Variants in STARD10 observed in about 807,000 individuals in gnomAD.
STARD10 encodes the protein START domain-containing protein 10.
Under a neutral mutation model 36.0 loss-of-function variants are expected in STARD10, and 24 were observed. The ratio of observed to expected loss-of-function variants is 0.67; its 90% CI spans 0.48 to 0.94. The LOEUF (loss-of-function observed/expected upper bound fraction) is 0.94. Among genes scored for constraint, STARD10 ranks in the 40% least tolerant of loss-of-function variants. The pLI is 0.00. For synonymous variants in STARD10, 156 were observed against 161.9 expected, an observed-to-expected ratio of 0.96 and a Z score of 0.28; for missense variants, 335 against 396.6, an observed-to-expected ratio of 0.84 and a Z score of 1.32.
intron 2 of STARD10, among the ~76,000 whole-genome samples, chr11:72,769,879 C>G (rs987730678): frequency 6.6e-6 from 1 of 152,164 alleles, no homozygotes; most frequent in African/African-American, 2.4e-5. Flanking sequence ...AGGGTTCCCC[C>G]GAGCAGGGGT....
intron 1 of STARD10, among the ~76,000 whole-genome samples, chr11:72,783,077 C>G (rs1455662515): frequency 6.6e-6 from 1 of 152,154 alleles, no homozygotes; most frequent in Non-Finnish European, 1.5e-5. Flanking sequence ...TAGGGTGGAA[C>G]AGATTTTCTT....
chr11:72,790,689 C>A (rs1010008637), intron 1 of STARD10, among the ~76,000 whole-genome samples: 1 of 152,250 alleles, frequency 6.6e-6, no homozygotes, highest in South Asian at 2.1e-4. Flanking sequence ...GTCTGACTGT[C>A]CAGGGCTGTA....
chr11:72,756,493 C>T (rs1016693994), intron 5 of STARD10, among the ~76,000 whole-genome samples: 3 of 152,076 alleles, frequency 2.0e-5, no homozygotes, highest in African/African-American at 7.2e-5. Flanking sequence ...GACTGTTCTA[C>T]TAGAGGGGAA....
intron 5 of STARD10, 86 bp from the exon 6 acceptor site, chr11:72,755,839 C>T: frequency 7.8e-7 from 1 of 1,282,450 alleles, no homozygotes. Flanking sequence ...CCCAGAGCTT[C>T]CAGGGAGGCC....
intron 2 of STARD10, among the ~76,000 whole-genome samples, chr11:72,761,917 CTTTTTTTT>C (rs1189000490): frequency 8.0e-5 from 3 of 37,478 alleles, no homozygotes; most frequent in East Asian, 1.5e-3. Context: ...CTTTTCTTTT[CTTTTTTTT>C]TTTTTTTTTT....
At chr11:72,782,507 ACT>A (rs1859017950) in intron 1 of STARD10, 1 of 151,990 alleles carries the variant, frequency 6.6e-6, no homozygotes, top group African/African-American at 2.4e-5. Flanking sequence ...CCAGCCCCAC[ACT>A]CTGGCCCTTG....
rs1023133202 is a variant in STARD10 at position 72,781,952 on chromosome 11, C to G, written c.-113-658G>C. 1.3e-5 allele frequency: 2 copies of G among 152,066 alleles called. No individual in the cohort carries two copies. The highest frequency in any genetic ancestry group is 1.3e-4 in the Admixed American group (2 of 15,272). The allele number at this position is 152,066 out of a possible 1,614,324, so 9.4% of individuals were successfully genotyped here. A position where few individuals can be genotyped will look rare whatever the true frequency, so the allele number is the denominator to read the frequency against. ...ACCCCGCAGGGTCCTAGCGCCCGCC[C>G]CCGCCGGCCCTGGGAGGGGACCCTG... On this transcript the variant is annotated intron_variant, in intron 1 of 6. Coordinates refer to ENST00000334805, the MANE Select transcript of STARD10 (RefSeq NM_006645.3). This position sits in a 1 kb window ranked among gnomAD's most constrained non-coding sequence, Gnocchi z 4.7.
intron 2 of STARD10, among the ~76,000 whole-genome samples, chr11:72,765,816 C>A (rs913475989): frequency 2.6e-3 from 307 of 118,124 alleles, no homozygotes; most frequent in African/African-American, 8.7e-3. Context: ...ACTAAAAATA[C>A]AAAAAAAAAA....
At chr11:72,756,409 T>C (rs997717822) in intron 5 of STARD10, among the ~76,000 whole-genome samples, 1 of 151,926 alleles carries the variant, frequency 6.6e-6, no homozygotes, top group Admixed American at 6.5e-5. Flanking sequence ...ACTCACTCCA[T>C]GTTCACTGTG....
intron 2 of STARD10, among the ~76,000 whole-genome samples, chr11:72,764,648 C>T (rs1470393123): frequency 1.3e-5 from 2 of 152,194 alleles, no homozygotes; most frequent in South Asian, 2.1e-4. Flanking sequence ...TTTGTTCCTG[C>T]GGGCGGCGGT....
chr11:72,759,263 G>A lies in STARD10; in HGVS notation c.326C>T (p.Thr109Ile). ...GTAATAGCCCACGTCAGCGTTGACT[G>A]TCAAGCGGGCGATGTCAAAAGTCTC... The part of the protein sequence containing the change: ...VIETFDIARL[T>I]VNADVGYYSW... Residue 109 changes from threonine to isoleucine, a missense_variant, in exon 3 of 7, where the codon ACA becomes ATA. Transcript: ENST00000334805. 6.2e-7 allele frequency: 1 copy of A among 1,614,188 alleles called. No homozygotes were observed. The highest frequency in any genetic ancestry group is 8.5e-7 in the Non-Finnish European group (1 of 1,180,036).
At chr11:72,755,972 C>A (rs1213681584) in intron 5 of STARD10, 2 of 481,256 alleles carry the variant, frequency 4.2e-6, no homozygotes, top group Non-Finnish European at 7.4e-6. Flanking sequence ...CTCTGCCCAG[C>A]CTCAAAGATT....
intron 2 of STARD10, among the ~76,000 whole-genome samples, chr11:72,777,027 C>T (rs985876004): frequency 1.3e-5 from 2 of 152,190 alleles, no homozygotes; most frequent in African/African-American, 2.4e-5. Flanking sequence ...TCAGCCACAC[C>T]CCCTCCCACA....
chr11:72,774,627 C>T (rs1450709638), intron 2 of STARD10, among the ~76,000 whole-genome samples: 1 of 152,252 alleles, frequency 6.6e-6, no homozygotes, highest in African/African-American at 2.4e-5. Flanking sequence ...GTTGCCAGAG[C>T]ACCACCATCT....
Position 72,757,114 on chromosome 11 carries a change from C to CAG in STARD10, c.577+651_577+652dup, listed in dbSNP as rs200036922. ...GAGCCGAGATTGCACCATTGCACTC[C>CAG]AGCCTGGGAAACAAGAGTGAAACTC... On this transcript the variant is annotated intron_variant, in intron 5 of 6. Transcript: ENST00000334805. Among the ~76,000 whole-genome samples the CAG allele has an allele frequency of 1.8e-4, 26 of 146,064 alleles. No individual in the cohort carries two copies. In the East Asian group the frequency reaches 5.0e-3, roughly 28 times the overall value.
intron 2 of STARD10, among the ~76,000 whole-genome samples, chr11:72,766,714 C>G (rs1208148378): frequency 6.6e-6 from 1 of 152,180 alleles, no homozygotes; most frequent in Non-Finnish European, 1.5e-5. Flanking sequence ...GCAGTCTCTC[C>G]CAAGACCCAG....
chr11:72,764,521 G>A (rs755945161), intron 2 of STARD10, among the ~76,000 whole-genome samples: 17 of 152,238 alleles, frequency 1.1e-4, no homozygotes, highest in Non-Finnish European at 1.5e-4. Flanking sequence ...GAGGCAGGCC[G>A]GGTCGTGGGG....
At position 72,756,785 on chromosome 11, in the gene STARD10, A is replaced by G. The variant is rs763648486; in HGVS notation, c.577+982T>C. Among the ~76,000 whole-genome samples, 28 of 152,036 alleles carry G rather than the reference A, an allele frequency of 1.8e-4. No homozygotes were observed. The East Asian group carries it at 2.0e-3, about 11-fold the overall frequency. On this transcript the variant is annotated intron_variant, in intron 5 of 6. Coordinates refer to ENST00000334805, the MANE Select transcript of STARD10 (RefSeq NM_006645.3). Reference sequence around the variant, plus strand: ...CCTCTGGCCGCTGTTATACACAGACAAGGTAGTTGGTATGGAGAGAAATGC... The same window carrying G: ...CCTCTGGCCGCTGTTATACACAGACGAGGTAGTTGGTATGGAGAGAAATGC...
At position 72,781,355 on chromosome 11, in the gene STARD10, G is replaced by A. The variant is rs542818858; in HGVS notation, c.-113-61C>T. On this transcript the variant is annotated intron_variant, in intron 1 of 6. Coordinates refer to ENST00000334805, the MANE Select transcript of STARD10 (RefSeq NM_006645.3). This position sits in a 1 kb window ranked among gnomAD's most constrained non-coding sequence, Gnocchi z 4.7. ...TGGGGGCGCGGGTGGGGCTGTTCGG[G>A]GTCCTGGCGGGTGGGGAGCTGGAGA... 1.6e-5 allele frequency: 10 copies of A among 610,982 alleles called. No homozygotes were observed. The highest frequency in any genetic ancestry group is 4.4e-4 in the Middle Eastern group (1 of 2,278). 37.8% of individuals were successfully genotyped at this position (610,982 alleles called of 1,614,324 possible). A position where few individuals can be genotyped will look rare whatever the true frequency, so the allele number is the denominator to read the frequency against.
Sources: allele counts gnomAD v4.1 joint callset (sites outside exome capture counted in the v4.1 genomes callset), GRCh38; gene constraint gnomAD v4.1.1; non-coding constraint Gnocchi (gnomAD v3.1); transcripts MANE v1.5; gene names NCBI Gene and HGNC (gene_info 2026-07-23, HGNC 2026-07-21).